The following GRIK1 variants were observed in gnomAD, a reference collection of about 807,000 sequenced individuals.
GRIK1 encodes the protein glutamate ionotropic receptor kainate type subunit 1.
In GRIK1, 69 loss-of-function variants were observed where a neutral mutation model predicts 105.7. That is an observed-to-expected ratio of 0.65 (90% CI 0.54 to 0.80). The LOEUF (loss-of-function observed/expected upper bound fraction) is 0.80, where lower values mean the gene tolerates loss of function less well. Ranked by LOEUF, GRIK1 falls within the 30% of genes least tolerant of loss-of-function variation. The pLI is 0.00. For synonymous variants in GRIK1, 438 were observed against 431.3 expected, an observed-to-expected ratio of 1.02 and a Z score of -0.19; for missense variants, 1,109 against 1,167.3, an observed-to-expected ratio of 0.95 and a Z score of 0.73.
At chr21:29,652,191 G>T (rs1200274165) in intron 5 of GRIK1, among the ~76,000 whole-genome samples, 17 of 152,176 alleles carry the variant, frequency 1.1e-4, no homozygotes. Flanking sequence ...CTGAGGTTCT[G>T]AGTGGTGATG....
intron 1 of GRIK1, among the ~76,000 whole-genome samples, chr21:29,845,954 A>G (rs1053610096): frequency 1.3e-5 from 2 of 152,152 alleles, no homozygotes; most frequent in African/African-American, 4.8e-5. Context: ...CCTTCCAAAA[A>G]GGTAGGGCTC....
chr21:29,874,215 C>T (rs1569180469), intron 1 of GRIK1, among the ~76,000 whole-genome samples: 2 of 152,088 alleles, frequency 1.3e-5, no homozygotes, highest in South Asian at 2.1e-4. Flanking sequence ...TCTGAGTAAA[C>T]GGGAAAGCCA....
intron 1 of GRIK1, among the ~76,000 whole-genome samples, chr21:29,700,130 G>T (rs1040162216): frequency 1.3e-5 from 2 of 152,144 alleles, no homozygotes; most frequent in Non-Finnish European, 2.9e-5. Context: ...GTCACCACAG[G>T]AGCATTTCTG....
At chr21:29,882,355 A>G (rs763121028) in intron 1 of GRIK1, among the ~76,000 whole-genome samples, 1 of 152,082 alleles carries the variant, frequency 6.6e-6, no homozygotes. Context: ...ACATTTACTA[A>G]TATAGAACCT....
chr21:29,793,859 G>A (rs1168693257), intron 1 of GRIK1, among the ~76,000 whole-genome samples: 1 of 152,128 alleles, frequency 6.6e-6, no homozygotes, highest in Non-Finnish European at 1.5e-5. Context: ...CTGCCAAGTG[G>A]GTGTGTTTTT....
chr21:29,555,268 A>G lies in GRIK1; in HGVS notation c.2391T>C (p.Ile797=). 1 of 1,613,502 alleles carries G rather than the reference A, an allele frequency of 6.2e-7. No individual in the cohort carries two copies. Among genetic ancestry groups the G allele is most frequent in the Non-Finnish European group, 8.5e-7 (1 of 1,179,574 alleles). ...SPYRDKITIA[I]LQLQEEGKLH... ...GCTTCCCTTCTTCTTGGAGTTGAAG[A>G]ATAGCAATAGTAATTTTATCCCGGT... The change falls in exon 16 of 18, where the codon ATT becomes ATC. Residue 797 remains isoleucine (I), a synonymous_variant. Coordinates refer to ENST00000327783, the MANE Select transcript of GRIK1 (RefSeq NM_001330994.2).
Position 29,766,380 on chromosome 21 carries a change from T to G in GRIK1, c.119-72317A>C, listed in dbSNP as rs1601639448. On this transcript the variant is annotated intron_variant, in intron 1 of 17. Coordinates refer to ENST00000327783, the MANE Select transcript of GRIK1 (RefSeq NM_001330994.2). Reference sequence around the variant, plus strand: ...GGCTTCCAGTGGGTAGAGGCCAGGGTGTTGCTAAACATTCTGCAATGCACA... The same window carrying G: ...GGCTTCCAGTGGGTAGAGGCCAGGGGGTTGCTAAACATTCTGCAATGCACA... Among the ~76,000 whole-genome samples the G allele has an allele frequency of 1.3e-5, 2 of 152,200 alleles. 1 individual carries two copies. Among genetic ancestry groups the G allele is most frequent in the South Asian group, 4.1e-4 (2 of 4,820 alleles).
At position 29,702,854 on chromosome 21, in the gene GRIK1, C is replaced by A. The variant is rs560905476; in HGVS notation, c.119-8791G>T. Among the ~76,000 whole-genome samples the A allele has an allele frequency of 1.0e-4, 14 of 137,674 alleles. 1 individual carries two copies. Among genetic ancestry groups the A allele is most frequent in the African/African-American group, 3.6e-4 (13 of 36,100 alleles). The allele number at this position is 137,674 out of a possible 152,430, so 90.3% of individuals were successfully genotyped here. ...AGCCTTCAGAGAAAATAAGACCCTG[C>A]CAATACCCAGATTTCAGACTTCTGG... On this transcript the variant is annotated intron_variant, in intron 1 of 17. Coordinates refer to ENST00000327783, the MANE Select transcript of GRIK1 (RefSeq NM_001330994.2).
intron 1 of GRIK1, among the ~76,000 whole-genome samples, chr21:29,868,383 CCT>C (rs1232085328): frequency 6.6e-6 from 1 of 152,056 alleles, no homozygotes; most frequent in Admixed American, 6.5e-5. Context: ...AACAAACAAA[CCT>C]CTGTCTTTTC....
chr21:29,650,600 G>A (rs989351892), intron 6 of GRIK1, among the ~76,000 whole-genome samples: 2 of 152,176 alleles, frequency 1.3e-5, no homozygotes, highest in Admixed American at 6.5e-5. Context: ...CTTCAAGAGC[G>A]ACATATGGCT....
chr21:29,688,548 A>C (rs1327686107), intron 3 of GRIK1, among the ~76,000 whole-genome samples: 1 of 152,212 alleles, frequency 6.6e-6, no homozygotes, highest in East Asian at 1.9e-4. Context: ...AATCAATGGT[A>C]TTATTCTATC....
chr21:29,871,367 G>A (rs1361818662), intron 1 of GRIK1, among the ~76,000 whole-genome samples: 1 of 152,092 alleles, frequency 6.6e-6, no homozygotes, highest in Non-Finnish European at 1.5e-5. Context: ...CAAACCCAAC[G>A]AATTAGGTAT....
chr21:29,632,748 A>C (rs534047301), intron 7 of GRIK1, among the ~76,000 whole-genome samples: 7 of 152,344 alleles, frequency 4.6e-5, no homozygotes, highest in Non-Finnish European at 1.0e-4. Flanking sequence ...AGAATAATTG[A>C]CATGAGTCCC....
chr21:29,559,652 T>A (rs1284080422), intron 15 of GRIK1, among the ~76,000 whole-genome samples: 2 of 152,232 alleles, frequency 1.3e-5, no homozygotes, highest in Non-Finnish European at 2.9e-5. Flanking sequence ...GGAAGTCACA[T>A]TGGCTGTGTA....
chr21:29,904,198 C>G (rs1043676480), intron 1 of GRIK1, among the ~76,000 whole-genome samples: 1 of 151,982 alleles, frequency 6.6e-6, no homozygotes, highest in Non-Finnish European at 1.5e-5. Flanking sequence ...GTGCCGCAAA[C>G]CACCATGGCA....
intron 13 of GRIK1, 142 bp downstream of exon 13, chr21:29,581,283 G>A (rs1007832291): frequency 3.3e-5 from 21 of 630,926 alleles, no homozygotes; most frequent in East Asian, 8.0e-5. Context: ...CTTCAAAACC[G>A]GCTAGAAAGT....
intron 7 of GRIK1, among the ~76,000 whole-genome samples, chr21:29,621,149 C>T (rs897336482): frequency 3.9e-5 from 6 of 151,944 alleles, no homozygotes; most frequent in Non-Finnish European, 7.4e-5. Flanking sequence ...AGCCAGCCTT[C>T]AAATTAAGAG....
intron 1 of GRIK1, 146 bp downstream of exon 1, chr21:29,939,237 G>T: frequency 3.5e-6 from 2 of 567,524 alleles, no homozygotes; most frequent in Non-Finnish European, 6.2e-6. Context: ...CCCCTTTTTT[G>T]TGTAGCCTCC....
At chr21:29,606,100 C>A (rs1366946708) in intron 7 of GRIK1, among the ~76,000 whole-genome samples, 1 of 149,296 alleles carries the variant, frequency 6.7e-6, no homozygotes, top group African/African-American at 2.5e-5. Flanking sequence ...TGATTTGATT[C>A]TCTAAAGAGG....
Sources: allele counts gnomAD v4.1 joint callset (sites outside exome capture counted in the v4.1 genomes callset), GRCh38; gene constraint gnomAD v4.1.1; transcripts MANE v1.5; gene names NCBI Gene and HGNC (gene_info 2026-07-23, HGNC 2026-07-21).